Variants in ZFPM1 observed in about 807,000 individuals in gnomAD.
The protein encoded by ZFPM1 is zinc finger protein, FOG family member 1.
In ZFPM1, 28 loss-of-function variants were observed where a neutral mutation model predicts 46.3. The ratio of observed to expected loss-of-function variants is 0.60; its 90% confidence interval spans 0.45 to 0.83. The LOEUF is 0.83. Ranked by LOEUF, ZFPM1 falls within the 40% of genes least tolerant of loss-of-function variation. The pLI, the probability that ZFPM1 is intolerant of heterozygous loss-of-function variation, is 0.00. For missense variants in ZFPM1, 1,878 were observed against 1,432.4 expected (o/e 1.31, Z -5.02); for synonymous variants, 957 against 675.9 (o/e 1.42, Z -6.45).
chr16:88,508,992 C>A (rs1241375534), intron 3 of ZFPM1, among the ~76,000 whole-genome samples: 1 of 152,074 alleles, frequency 6.6e-6, no homozygotes, highest in Non-Finnish European at 1.5e-5. Flanking sequence ...CTTGCCCCGC[C>A]CCACGCAGCT....
In ZFPM1 at chr16:88,533,988, A is replaced by C. The variant is rs1279275597; in HGVS notation, c.2030A>C (p.Glu677Ala). 1 of 1,354,286 alleles carries C rather than the reference A, an allele frequency of 7.4e-7. No individual in the cohort carries two copies. The highest frequency in any genetic ancestry group is 9.6e-7 in the Non-Finnish European group (1 of 1,037,008). The allele number at this position is 1,354,286 out of a possible 1,614,324, so 83.9% of individuals were successfully genotyped here. The change falls in exon 10 of 10, where the codon GAG (glutamate) becomes GCG (alanine). Residue 677 changes from glutamate (E) to alanine (A), a missense_variant. Physicochemically the swap from Glu to Ala is moderately radical, Grantham distance 107. Coordinates refer to ENST00000319555, the MANE Select transcript of ZFPM1 (RefSeq NM_153813.3). Reference protein sequence around the residue: ...QSPGSSVDDAEDDPSRTLCEA... With the variant: ...QSPGSSVDDAADDPSRTLCEA... ...CCGGGTAGCTCCGTGGACGACGCGGAGGACGACCCCAGCCGCACGCTGTGC... is the reference window on the plus strand; with the variant it reads ...CCGGGTAGCTCCGTGGACGACGCGGCGGACGACCCCAGCCGCACGCTGTGC...
chr16:88,495,031 G>A (rs1045402384), intron 3 of ZFPM1, among the ~76,000 whole-genome samples: 6 of 152,228 alleles, frequency 3.9e-5, no homozygotes, highest in Admixed American at 2.0e-4. Context: ...GCACGCGCTC[G>A]GGAGCAGCTC....
chr16:88,528,029 C>T lies in ZFPM1; in HGVS notation c.506-3C>T, dbSNP rs1383458716. ...CTAGGTTTGGACACCTGTCTCCCTC[C>T]AGATGACGCACTCTGGTGCAGGGTC... On this transcript the variant is annotated splice_polypyrimidine_tract_variant and splice_region_variant and intron_variant, in intron 5 of 9. Coordinates refer to ENST00000319555, the MANE Select transcript of ZFPM1 (RefSeq NM_153813.3). The T allele has an allele frequency of 2.6e-6, 4 of 1,537,114 alleles. No homozygotes were observed. Among genetic ancestry groups the T allele is most frequent in the Non-Finnish European group, 3.5e-6 (4 of 1,137,156 alleles).
At chr16:88,532,761 G>A in intron 8 of ZFPM1, 28 bp from the exon 9 acceptor site, 3 of 1,612,916 alleles carry the variant, frequency 1.9e-6, no homozygotes, top group African/African-American at 2.7e-5. Context: ...CCCGCCCTGG[G>A]CCTTGACCAC....
At chr16:88,475,220 C>T (rs934841946) in intron 1 of ZFPM1, among the ~76,000 whole-genome samples, 4 of 152,182 alleles carry the variant, frequency 2.6e-5, no homozygotes, top group Admixed American at 1.3e-4. Context: ...CGTGGGGTGT[C>T]GAGGGTGCCC....
At chr16:88,523,506 G>C (rs1175753980) in intron 4 of ZFPM1, among the ~76,000 whole-genome samples, 1 of 152,106 alleles carries the variant, frequency 6.6e-6, no homozygotes, top group Non-Finnish European at 1.5e-5. Flanking sequence ...CGGCCACTTG[G>C]CACCGGGCAA....
At chr16:88,489,387 G>T in intron 3 of ZFPM1, 1 of 546,196 alleles carries the variant, frequency 1.8e-6, no homozygotes, top group African/African-American at 2.0e-5. Flanking sequence ...AAGCGCTGGG[G>T]GGTTCCCTGG....
At chr16:88,519,320 G>C (rs1036813503) in intron 4 of ZFPM1, among the ~76,000 whole-genome samples, 2 of 149,380 alleles carry the variant, frequency 1.3e-5, no homozygotes, top group Non-Finnish European at 3.0e-5. Flanking sequence ...TGAAGGAGTG[G>C]ATAGATGGAT....
intron 3 of ZFPM1, among the ~76,000 whole-genome samples, chr16:88,508,974 G>A (rs929729440): frequency 2.6e-5 from 4 of 152,184 alleles, no homozygotes; most frequent in East Asian, 3.9e-4. Flanking sequence ...CGTGGACAGA[G>A]GGGCCGGCTT....
Position 88,534,871 on chromosome 16 carries a change from C to A in ZFPM1, c.2913C>A (p.Gly971=). ...GCACGCCGGCGCCGCTGCCCAACGG[C>A]AACCACCGGTACTGCCGTCTTTGCA... ...SKGTPAPLPN[G]NHRYCRLCNI... The change falls in exon 10 of 10, where the codon GGC becomes GGA. Residue 971 remains glycine, a synonymous_variant. Transcript: ENST00000319555. The A allele has an allele frequency of 6.4e-7, 1 of 1,568,590 alleles. No individual in the cohort carries two copies. The highest frequency in any genetic ancestry group is 8.6e-7 in the Non-Finnish European group (1 of 1,163,030).
At chr16:88,523,298 G>C (rs1597278413) in intron 4 of ZFPM1, among the ~76,000 whole-genome samples, 1 of 149,276 alleles carries the variant, frequency 6.7e-6, no homozygotes, top group East Asian at 1.9e-4. Context: ...ACCAGAGAAA[G>C]GGCTTCTGTT....
chr16:88,466,076 T>A (rs1319798795), intron 1 of ZFPM1, among the ~76,000 whole-genome samples: 3 of 152,132 alleles, frequency 2.0e-5, no homozygotes, highest in African/African-American at 7.2e-5. Context: ...TCCCAGTGGG[T>A]GCAGGCCAGC....
In ZFPM1 at chr16:88,534,265, G is replaced by A; in HGVS notation, c.2307G>A (p.Pro769=). 3.7e-6 allele frequency: 4 copies of A among 1,078,086 alleles called. No individual in the cohort carries two copies. Among genetic ancestry groups the A allele is most frequent in the Non-Finnish European group, 4.5e-6 (4 of 897,492 alleles). 66.8% of individuals were successfully genotyped at this position (1,078,086 alleles called of 1,614,324 possible). Residue 769 remains proline, a synonymous_variant, in exon 10 of 10, where the codon CCG becomes CCA. Coordinates refer to ENST00000319555, the MANE Select transcript of ZFPM1 (RefSeq NM_153813.3). ...PPGHAPAPES[P]RPGSGSGSGP... The stretch of plus-strand genomic sequence containing the variant: ...GCCACGCCCCCGCGCCCGAGTCGCC[G>A]CGGCCCGGAAGCGGAAGCGGAAGCG...
intron 3 of ZFPM1, among the ~76,000 whole-genome samples, chr16:88,489,645 C>T (rs888865176): frequency 2.0e-4 from 30 of 152,236 alleles, no homozygotes; most frequent in Non-Finnish European, 3.7e-4. Flanking sequence ...GGAGTCCCAT[C>T]CACATACCCC....
At chr16:88,464,156 C>G (rs1168477641) in intron 1 of ZFPM1, among the ~76,000 whole-genome samples, 1 of 152,214 alleles carries the variant, frequency 6.6e-6, no homozygotes, top group Non-Finnish European at 1.5e-5. Context: ...GGTGCCGCGT[C>G]TCAAGGAAGG....
Position 88,453,423 on chromosome 16 carries a change from C to G in ZFPM1, c.-216C>G, listed in dbSNP as rs1907374879. On this transcript the variant is annotated 5_prime_UTR_variant, in exon 1 of 10. Transcript: ENST00000319555. ...CGGCACCCGCCCGTCGGGCAGTCCG[C>G]GCGCCCGCAACGCAGGACCGTGGCC... The G allele has an allele frequency of 6.7e-6, 1 of 149,646 alleles. No individual in the cohort carries two copies. Among genetic ancestry groups the G allele is most frequent in the African/African-American group, 2.5e-5 (1 of 40,784 alleles). 9.3% of individuals were successfully genotyped at this position (149,646 alleles called of 1,614,324 possible).
Position 88,514,442 on chromosome 16 carries a change from C to T in ZFPM1, c.324C>T (p.Ser108=), listed in dbSNP as rs367709657. The T allele has an allele frequency of 1.4e-5, 22 of 1,557,914 alleles. No homozygotes were observed. The African/African-American group carries it at 2.9e-4, about 20-fold the overall frequency. The change falls in exon 4 of 10, where the codon AGC becomes AGT. Residue 108 remains serine, a synonymous_variant. Coordinates refer to ENST00000319555, the MANE Select transcript of ZFPM1 (RefSeq NM_153813.3). The part of the protein sequence containing the change: ...DGQRRIRARL[S]LATGLSWGPF... Reference sequence around the variant, plus strand: ...AGAGGCGCATACGGGCCCGACTCAGCCTCGCCACGGGCCTGTCCTGGGGCC... The same window carrying T: ...AGAGGCGCATACGGGCCCGACTCAGTCTCGCCACGGGCCTGTCCTGGGGCC...
At chr16:88,486,627 A>G (rs1471152124) in intron 2 of ZFPM1, among the ~76,000 whole-genome samples, 1 of 150,926 alleles carries the variant, frequency 6.6e-6, no homozygotes, top group African/African-American at 2.5e-5. Flanking sequence ...CTGGGTGCAC[A>G]GTGGGTACTA....
At chr16:88,491,922 A>G (rs1394490973) in intron 3 of ZFPM1, among the ~76,000 whole-genome samples, 2 of 152,092 alleles carry the variant, frequency 1.3e-5, no homozygotes, top group Non-Finnish European at 2.9e-5. Context: ...CCGTGCGTCG[A>G]TGGCCAGCAG....
Sources: allele counts gnomAD v4.1 joint callset (sites outside exome capture counted in the v4.1 genomes callset), GRCh38; gene constraint gnomAD v4.1.1; transcripts MANE v1.5; gene names NCBI Gene and HGNC (gene_info 2026-07-23, HGNC 2026-07-21).